The following SPECC1 variants were observed in gnomAD, a reference collection of about 807,000 sequenced individuals.
SPECC1 encodes cytospin-B.
SPECC1 carries 62 observed loss-of-function variants against 104.1 expected under a neutral mutation model. That is an observed-to-expected ratio of 0.60 (90% CI 0.49 to 0.74). SPECC1 has a LOEUF of 0.74. Ranked by LOEUF, SPECC1 falls within the 30% of genes least tolerant of loss-of-function variation. SPECC1 has a pLI of 0.00. For synonymous variants in SPECC1, 513 were observed against 501.6 expected, an observed-to-expected ratio of 1.02 and a Z score of -0.30; for missense variants, 1,306 against 1,310.5, an observed-to-expected ratio of 1.00 and a Z score of 0.05.
chr17:20,049,413 C>G (rs2045658262), intron 1 of SPECC1, among the ~76,000 whole-genome samples: 1 of 152,066 alleles, frequency 6.6e-6, no homozygotes, highest in Admixed American at 6.6e-5. Context: ...GACCCTGTCT[C>G]TCAAAAAATA....
intron 3 of SPECC1, among the ~76,000 whole-genome samples, chr17:20,163,686 G>T (rs1399959569): frequency 6.6e-6 from 1 of 151,464 alleles, no homozygotes; most frequent in African/African-American, 2.4e-5. Context: ...GCAGCCTCCC[G>T]AGTAGCTACG....
At chr17:20,105,103 G>A (rs1259213914) in intron 2 of SPECC1, among the ~76,000 whole-genome samples, 1 of 149,394 alleles carries the variant, frequency 6.7e-6, no homozygotes, top group African/African-American at 2.5e-5. Flanking sequence ...TTTTTTTTTC[G>A]GTGGGGGGGC....
intron 1 of SPECC1, among the ~76,000 whole-genome samples, chr17:20,013,083 T>C (rs567111579): frequency 1.3e-5 from 2 of 152,360 alleles, no homozygotes; most frequent in South Asian, 4.1e-4. Flanking sequence ...ATACACCACA[T>C]TTTGCTTATC....
chr17:20,227,598 T>C lies in SPECC1; in HGVS notation c.2049T>C (p.Asn683=), dbSNP rs774724721. 80 of 1,611,848 alleles carry C rather than the reference T, an allele frequency of 5.0e-5. No individual in the cohort carries two copies. Among genetic ancestry groups the C allele is most frequent in the Non-Finnish European group, 6.3e-5 (74 of 1,179,532 alleles). Residue 683 remains asparagine, a synonymous_variant, in exon 5 of 15, where the codon AAT becomes AAC. Transcript: ENST00000395527. ...ACCGGGCTGTCAAGTTACACAATAATCAACTCATCAGTGAGCTAGAAAGTA... is the reference window on the plus strand; with the variant it reads ...ACCGGGCTGTCAAGTTACACAATAACCAACTCATCAGTGAGCTAGAAAGTA... ...EQHRAVKLHN[N]QLISELESSV...
intron 7 of SPECC1, chr17:20,237,315 GTTTTTT>G (rs10713362): frequency 2.2e-6 from 2 of 910,716 alleles, no homozygotes; most frequent in East Asian, 6.3e-5. Flanking sequence ...GTTTTGTTTT[GTTTTTT>G]TTTTTTTTTT....
At chr17:20,170,030 T>C (rs2033965681) in intron 3 of SPECC1, among the ~76,000 whole-genome samples, 1 of 152,244 alleles carries the variant, frequency 6.6e-6, no homozygotes, top group East Asian at 1.9e-4. Flanking sequence ...GACTTTACCG[T>C]CACAGGACAA....
At chr17:20,218,055 TAGTAA>T (rs1470904223) in intron 4 of SPECC1, among the ~76,000 whole-genome samples, 2 of 152,156 alleles carry the variant, frequency 1.3e-5, no homozygotes, top group African/African-American at 4.8e-5. Flanking sequence ...AACTAAAAAA[TAGTAA>T]AGTCAGCTTC....
chr17:20,182,407 C>T (rs144156487), intron 3 of SPECC1, among the ~76,000 whole-genome samples: 2 of 152,270 alleles, frequency 1.3e-5, no homozygotes, highest in East Asian at 1.9e-4. Flanking sequence ...TGACCCACCA[C>T]GCCCAACCTC....
chr17:20,012,858 C>T (rs6587207), intron 1 of SPECC1, among the ~76,000 whole-genome samples: 10,522 of 152,146 alleles, frequency 0.069, 987 homozygotes, highest in African/African-American at 0.21. Context: ...TATCCATTAC[C>T]GCAGCCCCTG....
chr17:20,210,240 G>T (rs548807550), intron 4 of SPECC1, among the ~76,000 whole-genome samples: 8 of 152,250 alleles, frequency 5.3e-5, no homozygotes, highest in Non-Finnish European at 1.2e-4. Flanking sequence ...TGGGTTGGAA[G>T]TGTATCCAGG....
chr17:20,041,101 CT>C (rs1041132436), intron 1 of SPECC1, among the ~76,000 whole-genome samples: 2 of 151,502 alleles, frequency 1.3e-5, no homozygotes, highest in Non-Finnish European at 2.9e-5. Flanking sequence ...TATTTTCTTT[CT>C]GTTCTTCATA....
intron 1 of SPECC1, among the ~76,000 whole-genome samples, chr17:20,031,808 TAGCC>T (rs1263252507): frequency 6.6e-6 from 1 of 152,250 alleles, no homozygotes; most frequent in Non-Finnish European, 1.5e-5. Flanking sequence ...TCTCAAGGTT[TAGCC>T]ATGTTGTAGC....
intron 3 of SPECC1, among the ~76,000 whole-genome samples, chr17:20,181,246 A>C (rs1334790406): frequency 6.6e-6 from 1 of 152,156 alleles, no homozygotes; most frequent in Non-Finnish European, 1.5e-5. Context: ...TAAGAGCGAA[A>C]TATTCAACTT....
chr17:20,132,720 T>G (rs867385323), intron 3 of SPECC1, among the ~76,000 whole-genome samples: 12 of 97,294 alleles, frequency 1.2e-4, no homozygotes, highest in South Asian at 2.8e-4. Flanking sequence ...TAGTTATTTA[T>G]TTATTTATTT....
chr17:20,069,606 A>G (rs1274517875), intron 1 of SPECC1, among the ~76,000 whole-genome samples: 1 of 152,076 alleles, frequency 6.6e-6, no homozygotes, highest in Non-Finnish European at 1.5e-5. Context: ...CTCCCATTGA[A>G]TTGTCCTAGC....
At chr17:20,132,849 C>G (rs1440270989) in intron 3 of SPECC1, among the ~76,000 whole-genome samples, 1 of 152,014 alleles carries the variant, frequency 6.6e-6, no homozygotes, top group East Asian at 1.9e-4. Flanking sequence ...AAGCCATTCT[C>G]CTGCCTCAGC....
chr17:20,156,560 C>G (rs1336838874), intron 3 of SPECC1, among the ~76,000 whole-genome samples: 2 of 152,152 alleles, frequency 1.3e-5, no homozygotes, highest in Non-Finnish European at 2.9e-5. Flanking sequence ...GCAGGCCGCC[C>G]TCGGACTTTC....
At chr17:20,278,113 G>A (rs961312220) in intron 12 of SPECC1, among the ~76,000 whole-genome samples, 1 of 151,938 alleles carries the variant, frequency 6.6e-6, no homozygotes, top group Non-Finnish European at 1.5e-5. Flanking sequence ...TTTTTTAATG[G>A]GACTATTTAG....
chr17:20,222,733 CTTTT>C (rs1014954236), intron 4 of SPECC1, among the ~76,000 whole-genome samples: 4 of 152,068 alleles, frequency 2.6e-5, no homozygotes, highest in African/African-American at 9.7e-5. Context: ...CAGATGATTT[CTTTT>C]TGTTTGTTAA....
Sources: allele counts gnomAD v4.1 joint callset (sites outside exome capture counted in the v4.1 genomes callset), GRCh38; gene constraint gnomAD v4.1.1; transcripts MANE v1.5; gene names NCBI Gene and HGNC (gene_info 2026-07-23, HGNC 2026-07-21).